DOCK10: variants seen among roughly 807,000 people sequenced by gnomAD.
DOCK10 encodes dedicator of cytokinesis protein 10.
A neutral mutation model predicts 280.1 loss-of-function variants in DOCK10; 145 were observed. The observed-to-expected ratio is 0.52, with a 90% CI of 0.45 to 0.59. The LOEUF (loss-of-function observed/expected upper bound fraction) is 0.59, where lower values mean the gene tolerates loss of function less well. DOCK10 is among the 20% of genes least tolerant of loss of function. DOCK10 has a pLI of 0.00. For missense variants in DOCK10, 2,368 were observed against 2,651.7 expected, an observed-to-expected ratio of 0.89 and a Z score of 2.35; for synonymous variants, 915 against 942.2, an observed-to-expected ratio of 0.97 and a Z score of 0.53.
At chr2:224,832,987 T>C (rs921793086) in intron 26 of DOCK10, among the ~76,000 whole-genome samples, 7 of 152,116 alleles carry the variant, frequency 4.6e-5, no homozygotes, top group African/African-American at 9.7e-5. Context: ...GAGCACATGG[T>C]CCATCGTTAG....
At chr2:224,909,407 C>G (rs1700870665) in intron 3 of DOCK10, among the ~76,000 whole-genome samples, 1 of 152,126 alleles carries the variant, frequency 6.6e-6, no homozygotes, top group African/African-American at 2.4e-5. Context: ...TATTTATTTT[C>G]AGAATCACAG....
At chr2:224,804,307 A>G in intron 38 of DOCK10, 94 bp from the exon 39 acceptor site, 1 of 684,186 alleles carries the variant, frequency 1.5e-6, no homozygotes, top group Non-Finnish European at 2.5e-6. Context: ...CTGCACAATG[A>G]AATATTTCAC....
In DOCK10 at chr2:224,840,089, GA is replaced by G. The variant is rs34787956; in HGVS notation, c.2662-18del. 2.0e-5 allele frequency: 24 copies of G among 1,205,884 alleles called. No individual in the cohort carries two copies. The highest frequency in any genetic ancestry group is 4.5e-5 in the Admixed American group (2 of 44,710). 74.7% of individuals were successfully genotyped at this position (1,205,884 alleles called of 1,614,324 possible). ...CAATAAGTTCTGTAGTAAATTGGCAGAAAAAAAGGATACCAATTAAATTTGA... is the reference window on the plus strand; with the variant it reads ...CAATAAGTTCTGTAGTAAATTGGCAGAAAAAAGGATACCAATTAAATTTGA... On this transcript the variant is annotated intron_variant, in intron 23 of 55. Transcript: ENST00000258390.
At chr2:224,942,197 A>G (rs1703131061) in intron 1 of DOCK10, among the ~76,000 whole-genome samples, 1 of 152,272 alleles carries the variant, frequency 6.6e-6, no homozygotes, top group South Asian at 2.1e-4. Context: ...TACCCCTCCC[A>G]TTTCCATTTT....
intron 11 of DOCK10, among the ~76,000 whole-genome samples, chr2:224,869,619 T>A (rs372011249): frequency 6.6e-6 from 1 of 152,246 alleles, no homozygotes; most frequent in East Asian, 1.9e-4. Flanking sequence ...TTCCTAGTTT[T>A]TCAACATATG....
At chr2:224,864,807 A>G in intron 12 of DOCK10, 59 bp downstream of exon 12, 1 of 1,604,154 alleles carries the variant, frequency 6.2e-7, no homozygotes, top group South Asian at 1.1e-5. Flanking sequence ...TATATGATCT[A>G]TTGGTAAGAA....
chr2:224,765,637 A>G lies in DOCK10; in HGVS notation c.*84T>C. The G allele has an allele frequency of 1.0e-6, 1 of 973,568 alleles. No individual in the cohort carries two copies. The highest frequency in any genetic ancestry group is 1.5e-6 in the Non-Finnish European group (1 of 659,522). The allele number at this position is 973,568 out of a possible 1,614,324, so 60.3% of individuals were successfully genotyped here. A position where few individuals can be genotyped will look rare whatever the true frequency, so the allele number is the denominator to read the frequency against. ...TATTAACACCATGAAAACTTCAAAT[A>G]AATTAAACCTATCTTTCTCTTCCCC... On this transcript the variant is annotated 3_prime_UTR_variant, in exon 56 of 56. Transcript: ENST00000258390.
rs202006772 is a variant in DOCK10, at chr2:224,798,634, CT to C, written c.4507-666del. Among the ~76,000 whole-genome samples the C allele has an allele frequency of 3.9e-3, 559 of 142,198 alleles. 2 individuals are homozygous for C. Among genetic ancestry groups the C allele is most frequent in the African/African-American group, 5.4e-3 (210 of 38,682 alleles). 93.3% of individuals were successfully genotyped at this position (142,198 alleles called of 152,430 possible). A position where few individuals can be genotyped will look rare whatever the true frequency, so the allele number is the denominator to read the frequency against. On this transcript the variant is annotated intron_variant, in intron 41 of 55. Transcript: ENST00000258390. ...AGAATCCAAGTTTTCCTGGCTCAATCTTTTTTTTTTTTTTTGAGACAAGGTC... is the reference window on the plus strand; with the variant it reads ...AGAATCCAAGTTTTCCTGGCTCAATCTTTTTTTTTTTTTTGAGACAAGGTC...
intron 40 of DOCK10, among the ~76,000 whole-genome samples, chr2:224,801,117 G>A (rs997143617): frequency 6.6e-6 from 1 of 152,090 alleles, no homozygotes; most frequent in South Asian, 2.1e-4. Flanking sequence ...AGACTTCAGA[G>A]AGAAGAGATT....
chr2:224,790,926 A>G (rs550007849), intron 47 of DOCK10, among the ~76,000 whole-genome samples: 1 of 152,358 alleles, frequency 6.6e-6, no homozygotes, highest in African/African-American at 2.4e-5. Flanking sequence ...ATGCTAATAT[A>G]TCATAGCATA....
intron 50 of DOCK10, among the ~76,000 whole-genome samples, chr2:224,779,730 CT>C (rs1691166420): frequency 6.6e-6 from 1 of 152,136 alleles, no homozygotes; most frequent in Admixed American, 6.6e-5. Flanking sequence ...ATGCTTTATA[CT>C]TCAAAAGCAC....
chr2:225,041,785 C>T (rs150080962), intron 1 of DOCK10, among the ~76,000 whole-genome samples: 8 of 152,216 alleles, frequency 5.3e-5, no homozygotes, highest in Non-Finnish European at 1.0e-4. Context: ...GCGAGGACCA[C>T]GGACTGCATC....
At chr2:224,851,776 T>C (rs1218429870) in intron 18 of DOCK10, among the ~76,000 whole-genome samples, 1 of 152,198 alleles carries the variant, frequency 6.6e-6, no homozygotes, top group Non-Finnish European at 1.5e-5. Flanking sequence ...AACCACATAC[T>C]ATATATCAAA....
chr2:225,017,502 T>C (rs1689645786), intron 1 of DOCK10, among the ~76,000 whole-genome samples: 1 of 151,916 alleles, frequency 6.6e-6, no homozygotes, highest in African/African-American at 2.4e-5. Context: ...GATTGATTGG[T>C]TGATTCAGCA....
chr2:224,915,716 TG>T (rs1033449131), intron 3 of DOCK10, among the ~76,000 whole-genome samples: 1 of 152,238 alleles, frequency 6.6e-6, no homozygotes, highest in African/African-American at 2.4e-5. Context: ...TGACCTGTGC[TG>T]GGCTAAATTT....
intron 1 of DOCK10, among the ~76,000 whole-genome samples, chr2:224,993,373 A>C (rs1706183455): frequency 6.6e-6 from 1 of 152,172 alleles, no homozygotes; most frequent in Non-Finnish European, 1.5e-5. Context: ...AGATAATCCA[A>C]ATGGAGCACT....
rs1693278828 is a variant in DOCK10 at position 224,804,845 on chromosome 2, G to C, written c.4119-4C>G. The C allele has an allele frequency of 2.0e-6, 3 of 1,505,122 alleles. No homozygotes were observed. The highest frequency in any genetic ancestry group is 1.4e-5 in the African/African-American group (1 of 70,574). The allele number at this position is 1,505,122 out of a possible 1,614,324, so 93.2% of individuals were successfully genotyped here. A position where few individuals can be genotyped will look rare whatever the true frequency, so the allele number is the denominator to read the frequency against. ...TCTGAAATTTTGAAGACAAACGCTAGAAAGGAGAAAAAAACCACATTTTAA... is the reference window on the plus strand; with the variant it reads ...TCTGAAATTTTGAAGACAAACGCTACAAAGGAGAAAAAAACCACATTTTAA... On this transcript the variant is annotated splice_polypyrimidine_tract_variant and splice_region_variant and intron_variant, in intron 37 of 55. Transcript: ENST00000258390.
chr2:224,883,217 A>G (rs1043195412), intron 7 of DOCK10, among the ~76,000 whole-genome samples: 1 of 152,198 alleles, frequency 6.6e-6, no homozygotes, highest in Non-Finnish European at 1.5e-5. Flanking sequence ...TCATACCTCC[A>G]TCATCGCTCT....
chr2:224,943,761 C>CTTTTTT (rs67538456), intron 1 of DOCK10, among the ~76,000 whole-genome samples: 85 of 107,374 alleles, frequency 7.9e-4, no homozygotes, highest in East Asian at 1.3e-3. Context: ...TTTTTCTTTT[C>CTTTTTT]TTTTTTTTTT....
Sources: allele counts gnomAD v4.1 joint callset (sites outside exome capture counted in the v4.1 genomes callset), GRCh38; gene constraint gnomAD v4.1.1; transcripts MANE v1.5; gene names NCBI Gene and HGNC (gene_info 2026-07-23, HGNC 2026-07-21).